Variants in ZNF331 observed in about 807,000 individuals in gnomAD.
ZNF331 encodes the protein C2H2-like zinc finger protein rearranged in thyroid adenomas.
Under a neutral mutation model 7.0 loss-of-function variants are expected in ZNF331, and 2 were observed. The ratio of observed to expected loss-of-function variants is 0.29; its 90% confidence interval spans 0.12 to 0.90. The LOEUF (loss-of-function observed/expected upper bound fraction) is 0.90. Ranked by LOEUF, ZNF331 falls within the 40% of genes least tolerant of loss-of-function variation. The pLI is 0.58. For synonymous variants in ZNF331, 196 were observed against 205.4 expected, an observed-to-expected ratio of 0.95 and a Z score of 0.39; for missense variants, 432 against 587.7, an observed-to-expected ratio of 0.74 and a Z score of 2.74.
chr19:53,530,469 A>G (rs2087495088), intron 2 of ZNF331, among the ~76,000 whole-genome samples: 1 of 152,210 alleles, frequency 6.6e-6, no homozygotes, highest in Non-Finnish European at 1.5e-5. Flanking sequence ...AATAATTCTG[A>G]ATTCACAGGT....
chr19:53,506,448 C>CTG, the ZNF331 span, among the ~76,000 whole-genome samples: 6 of 44,788 alleles, frequency 1.3e-4, no homozygotes, highest in East Asian at 2.1e-3. Context: ...CTCTCTGTCT[C>CTG]TCTCTCTCTC....
At chr19:53,524,905 A>G (rs1360445559) in intron 2 of ZNF331, among the ~76,000 whole-genome samples, 1 of 152,158 alleles carries the variant, frequency 6.6e-6, no homozygotes, top group Non-Finnish European at 1.5e-5. Context: ...TAGGTCTAAT[A>G]TTTAAGTCTT....
chr19:53,545,296 C>G (rs926503544), intron 2 of ZNF331, among the ~76,000 whole-genome samples: 1 of 152,090 alleles, frequency 6.6e-6, no homozygotes, highest in East Asian at 1.9e-4. Context: ...GTTAAGGGCC[C>G]GCACTATGCC....
exon 1 of ZNF331, chr19:53,521,331 AGTGTGTGTGTGTGT>A (rs755487590): frequency 2.3e-5 from 3 of 129,114 alleles, no homozygotes; most frequent in Non-Finnish European, 5.1e-5. Flanking sequence ...AGTGTGTGTG[AGTGTGTGTGTGTGT>A]GTGTGTGTGT....
chr19:53,568,094 CA>C (rs1420795982), intron 3 of ZNF331, among the ~76,000 whole-genome samples: 1 of 151,834 alleles, frequency 6.6e-6, no homozygotes, highest in Non-Finnish European at 1.5e-5. Context: ...ACTAAAAATA[CA>C]AAAATTAGCT....
chr19:53,535,323 C>T (rs904287213), upstream of ZNF331, among the ~76,000 whole-genome samples: 1 of 152,156 alleles, frequency 6.6e-6, no homozygotes, highest in African/African-American at 2.4e-5. Flanking sequence ...AACTCCTGGC[C>T]TCCAGTGATC....
intron 2 of ZNF331, among the ~76,000 whole-genome samples, chr19:53,548,412 A>G (rs910771923): frequency 6.6e-6 from 1 of 151,876 alleles, no homozygotes. Context: ...TGCCCGGCCA[A>G]TGCCCGACTA....
At chr19:53,530,808 G>A (rs753482178) in intron 2 of ZNF331, among the ~76,000 whole-genome samples, 12 of 152,224 alleles carry the variant, frequency 7.9e-5, no homozygotes, top group South Asian at 2.1e-4. Context: ...AGTAGAAGAC[G>A]CACTTGCGTG....
chr19:53,556,533 C>T (rs2147480600), intron 3 of ZNF331, among the ~76,000 whole-genome samples: 1 of 151,486 alleles, frequency 6.6e-6, no homozygotes, highest in African/African-American at 2.4e-5. Context: ...CTATGTTACC[C>T]AGGCTGGTCT....
intron 3 of ZNF331, among the ~76,000 whole-genome samples, chr19:53,559,343 TATACACACC>T (rs1221176252): frequency 4.7e-5 from 7 of 149,790 alleles, no homozygotes; most frequent in African/African-American, 7.4e-5. Context: ...GACACACACA[TATACACACC>T]ATACACACAT....
At chr19:53,549,709 A>AATT (rs2088859215) in intron 2 of ZNF331, among the ~76,000 whole-genome samples, 1 of 112,824 alleles carries the variant, frequency 8.9e-6, no homozygotes, top group African/African-American at 3.7e-5. Context: ...AAAAAAAAAA[A>AATT]TTTTTTTTTA....
At chr19:53,551,177 C>G (rs545466126) in intron 2 of ZNF331, among the ~76,000 whole-genome samples, 2 of 152,078 alleles carry the variant, frequency 1.3e-5, no homozygotes, top group Admixed American at 6.6e-5. Flanking sequence ...CTCCTTATAA[C>G]GGGATTAATG....
At chr19:53,527,188 A>C (rs2087336842) in intron 2 of ZNF331, among the ~76,000 whole-genome samples, 1 of 152,142 alleles carries the variant, frequency 6.6e-6, no homozygotes, top group Non-Finnish European at 1.5e-5. Context: ...AAAAATAAAA[A>C]AAAGGAAATA....
the ZNF331 span, chr19:53,512,239 C>A: frequency 6.5e-6 from 1 of 153,572 alleles, no homozygotes; most frequent in South Asian, 1.8e-4. Context: ...TGGGAGAAGC[C>A]ACCCTCAGCA....
the ZNF331 span, among the ~76,000 whole-genome samples, chr19:53,506,703 A>G: frequency 1.3e-5 from 2 of 152,164 alleles, no homozygotes; most frequent in Non-Finnish European, 2.9e-5. Context: ...GTGAGGGCGG[A>G]AAGAGGGTCT....
At chr19:53,556,552 T>G (rs997465240) in intron 3 of ZNF331, among the ~76,000 whole-genome samples, 1 of 151,860 alleles carries the variant, frequency 6.6e-6, no homozygotes, top group South Asian at 2.1e-4. Context: ...CTTGATCTCA[T>G]GAGCTCAAGC....
intron 2 of ZNF331, among the ~76,000 whole-genome samples, chr19:53,527,824 G>A (rs1052220243): frequency 3.3e-5 from 5 of 151,040 alleles, no homozygotes; most frequent in Admixed American, 2.6e-4. Flanking sequence ...TTAGAGATAC[G>A]CCATTTCAAA....
the ZNF331 span, among the ~76,000 whole-genome samples, chr19:53,504,924 T>C: frequency 2.0e-5 from 3 of 152,144 alleles, no homozygotes; most frequent in African/African-American, 7.2e-5. Context: ...GAGAGTAAAA[T>C]TCCTCCACTC....
chr19:53,544,945 G>A (rs2088491430), intron 2 of ZNF331, among the ~76,000 whole-genome samples: 1 of 152,130 alleles, frequency 6.6e-6, no homozygotes, highest in South Asian at 2.1e-4. Flanking sequence ...TGTTGGCCAG[G>A]CTGGTGTCGA....
Sources: allele counts gnomAD v4.1 joint callset (sites outside exome capture counted in the v4.1 genomes callset), GRCh38; gene constraint gnomAD v4.1.1; transcripts MANE v1.5; gene names NCBI Gene and HGNC (gene_info 2026-07-23, HGNC 2026-07-21).